The following PITPNM3 variants were observed in gnomAD, a reference collection of about 807,000 sequenced individuals.
PITPNM3 encodes membrane-associated phosphatidylinositol transfer protein 3.
A neutral mutation model predicts 102.0 loss-of-function variants in PITPNM3; 26 were observed. The observed-to-expected ratio is 0.25, with a 90% CI of 0.19 to 0.35. PITPNM3 has a LOEUF of 0.35. PITPNM3 is among the 10% of genes least tolerant of loss of function. PITPNM3 has a pLI of 1.00. For missense variants in PITPNM3, 1,083 were observed against 1,346.1 expected (o/e 0.80, Z 3.06); for synonymous variants, 578 against 558.6 (o/e 1.03, Z -0.49).
chr17:6,457,687 C>T lies in PITPNM3; in HGVS notation c.2526G>A (p.Thr842=), dbSNP rs982152571. The change falls in exon 19 of 20, where the codon ACG becomes ACA. Residue 842 remains threonine, a synonymous_variant. Transcript: ENST00000262483. The surrounding 1 kb of genome is among the most constrained non-coding windows in gnomAD (Gnocchi z 4.7). The part of the protein sequence containing the change: ...FIKISAAYGS[T]KDISVYSVLG... Reference sequence around the variant, plus strand: ...GCACGCTGTAGACAGAGATGTCCTTCGTGGAGCCATAGGCCGCACTGATTT... The same window carrying T: ...GCACGCTGTAGACAGAGATGTCCTTTGTGGAGCCATAGGCCGCACTGATTT... 5.6e-6 allele frequency: 9 copies of T among 1,602,890 alleles called. No individual in the cohort carries two copies. Among genetic ancestry groups the T allele is most frequent in the African/African-American group, 5.3e-5 (4 of 74,890 alleles).
At position 6,464,715 on chromosome 17, in the gene PITPNM3, C is replaced by G; in HGVS notation, c.1947G>C (p.Gln649His). The change falls in exon 15 of 20, where the codon CAG becomes CAC. Residue 649 changes from glutamine (Q) to histidine (H), a missense_variant. Physicochemically the swap from Gln to His is conservative, Grantham distance 24. Transcript: ENST00000262483. ...CGTACATGAACCGCCCCACCAGGAC[C>G]TGGGGGCCATCTTCAGCAGCAATCA... The part of the protein sequence containing the change: ...NDVIAAEDGP[Q>H]VLVGRFMYGP... The G allele has an allele frequency of 1.2e-6, 2 of 1,614,234 alleles. No homozygotes were observed. Among genetic ancestry groups the G allele is most frequent in the Non-Finnish European group, 1.7e-6 (2 of 1,180,040 alleles).
chr17:6,505,266 G>C (rs1287143124), intron 3 of PITPNM3, among the ~76,000 whole-genome samples: 1 of 151,004 alleles, frequency 6.6e-6, no homozygotes, highest in East Asian at 1.9e-4. Flanking sequence ...CAATAAGTGA[G>C]GATGGCTCTG....
rs1391165355 is a variant in PITPNM3, at chr17:6,470,466, G to A, written c.1625-58C>T. On this transcript the variant is annotated intron_variant, in intron 12 of 19. Transcript: ENST00000262483. This position sits in a 1 kb window ranked among gnomAD's most constrained non-coding sequence, Gnocchi z 4.8. ...GCCGGCCCGGGGCCTCACCCGAGGGGCAGCGGGGTCTCCCATTGCACAGAC... is the reference window on the plus strand; with the variant it reads ...GCCGGCCCGGGGCCTCACCCGAGGGACAGCGGGGTCTCCCATTGCACAGAC... 4.3e-6 allele frequency: 7 copies of A among 1,610,516 alleles called. No individual in the cohort carries two copies. The highest frequency in any genetic ancestry group is 5.9e-6 in the Non-Finnish European group (7 of 1,177,870).
At position 6,457,834 on chromosome 17, in the gene PITPNM3, G is replaced by A. The variant is rs139842151; in HGVS notation, c.2491-112C>T. ...TTGGGGACCCTTTATGTGCACTCTGGTAGACTCCAAGCCATGGGGCCACCC... is the reference window on the plus strand; with the variant it reads ...TTGGGGACCCTTTATGTGCACTCTGATAGACTCCAAGCCATGGGGCCACCC... On this transcript the variant is annotated intron_variant, in intron 18 of 19. Coordinates refer to ENST00000262483, the MANE Select transcript of PITPNM3 (RefSeq NM_031220.4). This position sits in a 1 kb window ranked among gnomAD's most constrained non-coding sequence, Gnocchi z 4.7. 48 of 1,435,092 alleles carry A rather than the reference G, an allele frequency of 3.3e-5. No homozygotes were observed. In the African/African-American group the frequency reaches 6.4e-4, roughly 19 times the overall value. 88.9% of individuals were successfully genotyped at this position (1,435,092 alleles called of 1,614,324 possible).
chr17:6,537,220 C>T lies in PITPNM3; in HGVS notation c.118+767G>A, dbSNP rs968355972. Among the ~76,000 whole-genome samples, 3 of 151,778 alleles carry T rather than the reference C, an allele frequency of 2.0e-5. No homozygotes were observed. Among genetic ancestry groups the T allele is most frequent in the African/African-American group, 7.3e-5 (3 of 41,312 alleles). ...CAACAGTCTTTCTAACACTCTGGCA[C>T]TCCCTGCATCTATGAGGCTCATTTA... is the stretch of plus-strand genomic sequence containing the variant. On this transcript the variant is annotated intron_variant, in intron 2 of 19. Coordinates refer to ENST00000262483, the MANE Select transcript of PITPNM3 (RefSeq NM_031220.4). The surrounding 1 kb of genome is among the most constrained non-coding windows in gnomAD (Gnocchi z 4.4).
chr17:6,539,977 G>C (rs867149518), intron 1 of PITPNM3, among the ~76,000 whole-genome samples: 5 of 152,234 alleles, frequency 3.3e-5, no homozygotes, highest in African/African-American at 1.2e-4. Context: ...TGAACAGCAA[G>C]AGCCCAGTGA....
intron 3 of PITPNM3, among the ~76,000 whole-genome samples, chr17:6,524,530 A>G (rs1164859263): frequency 6.6e-6 from 1 of 152,160 alleles, no homozygotes; most frequent in Non-Finnish European, 1.5e-5. Context: ...CGACATCTTC[A>G]GCCACGTTGT....
At chr17:6,512,820 G>A (rs1299482268) in intron 3 of PITPNM3, among the ~76,000 whole-genome samples, 2 of 152,116 alleles carry the variant, frequency 1.3e-5, no homozygotes, top group African/African-American at 4.8e-5. Flanking sequence ...TTTGTTTTAA[G>A]AACAAGAAGA....
At chr17:6,486,536 A>C (rs1906106240) in intron 4 of PITPNM3, among the ~76,000 whole-genome samples, 1 of 152,218 alleles carries the variant, frequency 6.6e-6, no homozygotes, top group Non-Finnish European at 1.5e-5. Context: ...ACACAATCCC[A>C]GTCAAAGGGT....
chr17:6,519,218 T>C lies in PITPNM3; in HGVS notation c.226+6138A>G, dbSNP rs1479269918. ...CGGGCGCGGTGGCGGGCGCCTGTAG[T>C]CCCAGCTACTCGGGAGGCTGAGGCA... On this transcript the variant is annotated intron_variant, in intron 3 of 19. Coordinates refer to ENST00000262483, the MANE Select transcript of PITPNM3 (RefSeq NM_031220.4). Among the ~76,000 whole-genome samples, 4 of 61,606 alleles carry C rather than the reference T, an allele frequency of 6.5e-5. 1 individual carries two copies. Among genetic ancestry groups the C allele is most frequent in the African/African-American group, 2.8e-4 (4 of 14,172 alleles). 40.4% of individuals were successfully genotyped at this position (61,606 alleles called of 152,430 possible). A position where few individuals can be genotyped will look rare whatever the true frequency, so the allele number is the denominator to read the frequency against.
Position 6,459,196 on chromosome 17 carries a change from C to A in PITPNM3, c.2491-1474G>T, listed in dbSNP as rs1239961390. On this transcript the variant is annotated intron_variant, in intron 18 of 19. Transcript: ENST00000262483. The surrounding 1 kb of genome is among the most constrained non-coding windows in gnomAD (Gnocchi z 5.0). ...CCCACTTTCTCTGCTCCTCTCCCTGCTACTTTTGCCCCCTTGTCCTTCCGA... is the reference window on the plus strand; with the variant it reads ...CCCACTTTCTCTGCTCCTCTCCCTGATACTTTTGCCCCCTTGTCCTTCCGA... 6.6e-6 allele frequency among the ~76,000 whole-genome samples: 1 copy of A among 152,176 alleles called. No individual in the cohort carries two copies. Among genetic ancestry groups the A allele is most frequent in the Non-Finnish European group, 1.5e-5 (1 of 68,030 alleles).
chr17:6,515,229 C>T (rs1908090637), intron 3 of PITPNM3, among the ~76,000 whole-genome samples: 1 of 151,682 alleles, frequency 6.6e-6, no homozygotes, highest in African/African-American at 2.4e-5. Flanking sequence ...AACCCTGTCT[C>T]TACTAAAAAA....
intron 8 of PITPNM3, 108 bp downstream of exon 8, chr17:6,477,867 T>G (rs1291663723): frequency 4.5e-6 from 7 of 1,563,802 alleles, no homozygotes; most frequent in African/African-American, 1.3e-5. Context: ...CACTTCTTTG[T>G]GACCTGGATG....
chr17:6,549,632 G>T (rs982441533), intron 1 of PITPNM3, among the ~76,000 whole-genome samples: 1 of 152,234 alleles, frequency 6.6e-6, no homozygotes, highest in African/African-American at 2.4e-5. Flanking sequence ...GACTCACTAA[G>T]CCTCCTATTC....
At position 6,458,497 on chromosome 17, in the gene PITPNM3, C is replaced by T. The variant is rs1904319166; in HGVS notation, c.2491-775G>A. Among the ~76,000 whole-genome samples, 1 of 152,210 alleles carries T rather than the reference C, an allele frequency of 6.6e-6. No homozygotes were observed. Among genetic ancestry groups the T allele is most frequent in the Non-Finnish European group, 1.5e-5 (1 of 68,048 alleles). On this transcript the variant is annotated intron_variant, in intron 18 of 19. Coordinates refer to ENST00000262483, the MANE Select transcript of PITPNM3 (RefSeq NM_031220.4). The surrounding 1 kb of genome is among the most constrained non-coding windows in gnomAD (Gnocchi z 5.1). Reference sequence around the variant, plus strand: ...CGTGAAGGATCTACCACCTCCCACCCGGCCTGGCAGCTTCGCACCTTCTTT... The same window carrying T: ...CGTGAAGGATCTACCACCTCCCACCTGGCCTGGCAGCTTCGCACCTTCTTT...
At position 6,458,045 on chromosome 17, in the gene PITPNM3, T is replaced by A. The variant is rs1914182417; in HGVS notation, c.2491-323A>T. Reference sequence around the variant, plus strand: ...GGATAAGGAAATTGAGTTCCAGGTTTCTGGCTCACAGGGCCAGGACTGGAG... The same window carrying A: ...GGATAAGGAAATTGAGTTCCAGGTTACTGGCTCACAGGGCCAGGACTGGAG... On this transcript the variant is annotated intron_variant, in intron 18 of 19. Transcript: ENST00000262483. This position sits in a 1 kb window ranked among gnomAD's most constrained non-coding sequence, Gnocchi z 5.1. Among the ~76,000 whole-genome samples the A allele has an allele frequency of 6.6e-6, 1 of 152,170 alleles. No homozygotes were observed. The highest frequency in any genetic ancestry group is 1.5e-5 in the Non-Finnish European group (1 of 68,040).
chr17:6,464,253 G>A lies in PITPNM3; in HGVS notation c.2073C>T (p.Thr691=), dbSNP rs766105387. 6 of 1,614,178 alleles carry A rather than the reference G, an allele frequency of 3.7e-6. No individual in the cohort carries two copies. The highest frequency in any genetic ancestry group is 5.1e-6 in the Non-Finnish European group (6 of 1,180,018). ...GRWVHLDTEI[T]NSSGRITYNV... ...TGTATGTGATGCGACCACTGCTGTT[G>A]GTGATCTCTGTGTCCAGGTGTACCC... Residue 691 remains threonine, a synonymous_variant, in exon 16 of 20, where the codon ACC becomes ACT. Coordinates refer to ENST00000262483, the MANE Select transcript of PITPNM3 (RefSeq NM_031220.4).
intron 4 of PITPNM3, among the ~76,000 whole-genome samples, chr17:6,495,034 G>A (rs1906718464): frequency 6.6e-6 from 1 of 151,682 alleles, no homozygotes; most frequent in Non-Finnish European, 1.5e-5. Context: ...GAAAGGAACT[G>A]TGTGCTCCCA....
chr17:6,482,442 C>T (rs1225605888), intron 6 of PITPNM3, among the ~76,000 whole-genome samples: 11 of 152,154 alleles, frequency 7.2e-5, no homozygotes, highest in African/African-American at 2.4e-4. Context: ...CCATACCTCA[C>T]CTTATGCATC....
Sources: gnomAD v4.1 joint callset for allele counts (sites outside exome capture counted in the v4.1 genomes callset) on GRCh38, gnomAD v4.1.1 for gene constraint, Gnocchi (gnomAD v3.1) non-coding constraint, MANE v1.5 for transcripts, NCBI Gene and HGNC (gene_info 2026-07-23, HGNC 2026-07-21) for gene names.